MMP16: variants seen among roughly 807,000 people sequenced by gnomAD.
MMP16 encodes matrix metalloproteinase-16.
MMP16 carries 12 observed loss-of-function variants against 67.8 expected under a neutral mutation model. The observed-to-expected ratio is 0.18, with a 90% CI of 0.11 to 0.29. The LOEUF (loss-of-function observed/expected upper bound fraction) is 0.29. MMP16 is among the 10% of genes least tolerant of loss of function. MMP16 has a pLI of 1.00. For missense variants in MMP16, 475 were observed against 765.7 expected, an observed-to-expected ratio of 0.62 and a Z score of 4.48; for synonymous variants, 249 against 255.9, an observed-to-expected ratio of 0.97 and a Z score of 0.26.
At chr8:88,256,496 A>G (rs1176742649) in intron 1 of MMP16, among the ~76,000 whole-genome samples, 1 of 152,134 alleles carries the variant, frequency 6.6e-6, no homozygotes, top group Non-Finnish European at 1.5e-5. Flanking sequence ...TCTCTTTCCC[A>G]TCTCAGAAGA....
Position 88,052,739 on chromosome 8 carries a change from A to C in MMP16, c.1373+3389T>G, listed in dbSNP as rs116800038. On this transcript the variant is annotated intron_variant, in intron 8 of 9. Transcript: ENST00000286614. ...TTGAACAATCCAACTTCTTTCCTACATTATTGCCTTTGCATGACTATAGCA... is the reference window on the plus strand; with the variant it reads ...TTGAACAATCCAACTTCTTTCCTACCTTATTGCCTTTGCATGACTATAGCA... 5.9e-3 allele frequency among the ~76,000 whole-genome samples: 892 copies of C among 152,280 alleles called. 5 individuals carry two copies. Among genetic ancestry groups the C allele is most frequent in the African/African-American group, 0.021 (854 of 41,568 alleles).
At chr8:88,061,356 T>C (rs1446745041) in intron 7 of MMP16, among the ~76,000 whole-genome samples, 3 of 152,068 alleles carry the variant, frequency 2.0e-5, no homozygotes. Flanking sequence ...CAGTGACTTA[T>C]TGCACCCTTT....
rs1326254348 is a variant in MMP16 at position 88,041,847 on chromosome 8, A to T, written c.1490-52T>A. On this transcript the variant is annotated intron_variant, in intron 9 of 9. Transcript: ENST00000286614. This position sits in a 1 kb window ranked among gnomAD's most constrained non-coding sequence, Gnocchi z 6.0. The stretch of plus-strand genomic sequence containing the variant: ...AGGTACCACTTATTTGTGACAGTGT[A>T]TATGTAGAGAAATGTTACTAAAATA... The T allele has an allele frequency of 7.5e-7, 1 of 1,339,044 alleles. No individual in the cohort carries two copies. Among genetic ancestry groups the T allele is most frequent in the African/African-American group, 1.5e-5 (1 of 68,640 alleles). The allele number at this position is 1,339,044 out of a possible 1,614,324, so 82.9% of individuals were successfully genotyped here.
intron 1 of MMP16, among the ~76,000 whole-genome samples, chr8:88,265,673 C>T (rs1408436329): frequency 1.3e-5 from 2 of 152,120 alleles, no homozygotes; most frequent in Non-Finnish European, 2.9e-5. Flanking sequence ...CAAGCAAAGT[C>T]CCACGCAAAA....
intron 2 of MMP16, among the ~76,000 whole-genome samples, chr8:88,193,597 TC>T (rs1809204729): frequency 6.6e-6 from 1 of 152,040 alleles, no homozygotes. Flanking sequence ...ATTGGAATGA[TC>T]TTAACACAAA....
intron 4 of MMP16, among the ~76,000 whole-genome samples, chr8:88,164,947 G>C (rs1808687315): frequency 6.6e-6 from 1 of 151,620 alleles, no homozygotes; most frequent in Non-Finnish European, 1.5e-5. Context: ...AAACACATAA[G>C]CATTCTAAGC....
intron 6 of MMP16, among the ~76,000 whole-genome samples, chr8:88,115,487 C>A (rs901944792): frequency 1.3e-5 from 2 of 151,858 alleles, no homozygotes; most frequent in Non-Finnish European, 2.9e-5. Flanking sequence ...TGCTTTTATG[C>A]ATATTATATC....
At chr8:88,192,947 C>G (rs1809193460) in intron 2 of MMP16, among the ~76,000 whole-genome samples, 1 of 152,188 alleles carries the variant, frequency 6.6e-6, no homozygotes, top group African/African-American at 2.4e-5. Context: ...TCCTTATACA[C>G]TACTGATGGA....
chr8:88,210,664 T>C lies in MMP16; in HGVS notation c.133-13358A>G, dbSNP rs949088533. Among the ~76,000 whole-genome samples, 7 of 152,146 alleles carry C rather than the reference T, an allele frequency of 4.6e-5. No individual in the cohort carries two copies. The South Asian group carries it at 1.2e-3, about 27-fold the overall frequency. ...TTCCCAGGCACATCTGGGAAAGCTC[T>C]AGGAAATATACAGCAAGGTACAATA... On this transcript the variant is annotated intron_variant, in intron 1 of 9. Coordinates refer to ENST00000286614, the MANE Select transcript of MMP16 (RefSeq NM_005941.5).
At chr8:88,237,416 G>A (rs779577366) in intron 1 of MMP16, among the ~76,000 whole-genome samples, 17 of 152,054 alleles carry the variant, frequency 1.1e-4, no homozygotes, top group Non-Finnish European at 2.1e-4. Context: ...TTGGGAGGCC[G>A]AGGCGGGTGG....
chr8:88,175,434 T>C (rs1808871982), intron 3 of MMP16, among the ~76,000 whole-genome samples: 1 of 152,208 alleles, frequency 6.6e-6, no homozygotes, highest in Non-Finnish European at 1.5e-5. Flanking sequence ...TAGAAAATGA[T>C]TGTATAATGC....
chr8:88,126,005 T>C (rs1239813129), intron 4 of MMP16, among the ~76,000 whole-genome samples: 1 of 151,906 alleles, frequency 6.6e-6, no homozygotes, highest in African/African-American at 2.4e-5. Context: ...ATTGCCATAT[T>C]ATTTTTATTT....
chr8:88,032,540 TA>T lies in MMP16; in HGVS notation c.*8920del, dbSNP rs1807999225. ...CTAATAAAAGACAACTTGTGAATAA[TA>T]AACACTGTTCAATGCACTGATCAAT... On this transcript the variant is annotated 3_prime_UTR_variant, in exon 10 of 10. Coordinates refer to ENST00000286614, the MANE Select transcript of MMP16 (RefSeq NM_005941.5). 6.6e-6 allele frequency: 1 copy of T among 152,164 alleles called. No individual in the cohort carries two copies. Among genetic ancestry groups the T allele is most frequent in the African/African-American group, 2.4e-5 (1 of 41,454 alleles). 9.4% of individuals were successfully genotyped at this position (152,164 alleles called of 1,614,324 possible).
At chr8:88,292,789 C>T (rs1563586370) in intron 1 of MMP16, among the ~76,000 whole-genome samples, 1 of 152,066 alleles carries the variant, frequency 6.6e-6, no homozygotes, top group Non-Finnish European at 1.5e-5. Context: ...AAAGGATGAA[C>T]ATTTAACAAG....
chr8:88,061,362 C>T (rs930040782), intron 7 of MMP16, among the ~76,000 whole-genome samples: 3 of 152,048 alleles, frequency 2.0e-5, no homozygotes, highest in Middle Eastern at 3.4e-3. Context: ...CTTATTGCAC[C>T]CTTTCCTTTC....
chr8:88,286,533 T>A (rs184456920), intron 1 of MMP16, among the ~76,000 whole-genome samples: 3 of 152,288 alleles, frequency 2.0e-5, no homozygotes, highest in Non-Finnish European at 4.4e-5. Context: ...CCTCAGTGAA[T>A]GTCACTGTCA....
At chr8:88,160,510 T>A (rs543902672) in intron 4 of MMP16, among the ~76,000 whole-genome samples, 5 of 151,928 alleles carry the variant, frequency 3.3e-5, no homozygotes, top group Non-Finnish European at 2.9e-5. Flanking sequence ...GACATTTATG[T>A]AGCCAAAAAA....
At chr8:88,072,298 C>A (rs1215007556) in intron 7 of MMP16, among the ~76,000 whole-genome samples, 1 of 152,058 alleles carries the variant, frequency 6.6e-6, no homozygotes, top group Admixed American at 6.6e-5. Context: ...CTAGGACTCT[C>A]ACTCCTCTCC....
At chr8:88,265,499 G>T (rs561466458) in intron 1 of MMP16, among the ~76,000 whole-genome samples, 1 of 152,058 alleles carries the variant, frequency 6.6e-6, no homozygotes, top group Non-Finnish European at 1.5e-5. Context: ...TCAAAATGAA[G>T]CTGTAAGTAC....
Sources: gnomAD v4.1 joint callset for allele counts (sites outside exome capture counted in the v4.1 genomes callset) on GRCh38, gnomAD v4.1.1 for gene constraint, Gnocchi (gnomAD v3.1) non-coding constraint, MANE v1.5 for transcripts, NCBI Gene and HGNC (gene_info 2026-07-23, HGNC 2026-07-21) for gene names.